The following PAPPA2 variants were observed in gnomAD, a reference collection of about 807,000 sequenced individuals.
PAPPA2 encodes the protein pappalysin-2.
In PAPPA2, 86 loss-of-function variants were observed where a neutral mutation model predicts 176.4. The observed-to-expected ratio is 0.49, with a 90% CI of 0.41 to 0.58. PAPPA2 has a LOEUF of 0.58. Among genes scored for constraint, PAPPA2 ranks in the 20% least tolerant of loss-of-function variants. PAPPA2 has a pLI of 0.00. For synonymous variants in PAPPA2, 809 were observed against 852.2 expected (o/e 0.95, Z 0.88); for missense variants, 2,073 against 2,256.9 (o/e 0.92, Z 1.65).
chr1:176,538,793 C>T (rs139396423), intron 1 of PAPPA2, among the ~76,000 whole-genome samples: 148 of 152,316 alleles, frequency 9.7e-4, no homozygotes, highest in African/African-American at 3.4e-3. Context: ...CTACTGCCAG[C>T]TCTTCATTCA....
In PAPPA2 at chr1:176,556,644, C is replaced by T. The variant is rs760674093; in HGVS notation, c.322C>T (p.Pro108Ser). The T allele has an allele frequency of 2.8e-5, 45 of 1,614,066 alleles. No homozygotes were observed. The East Asian group carries it at 7.8e-4, about 28-fold the overall frequency. Residue 108 changes from proline (P) to serine (S), a missense_variant, in exon 2 of 23, where the codon CCC becomes TCC. Physicochemically the swap from Pro to Ser is moderately conservative, Grantham distance 74. This residue lies in a region of PAPPA2 where 1,196 missense variants were observed against 1,330.4 expected (regional missense o/e 0.90). Coordinates refer to ENST00000367662, the MANE Select transcript of PAPPA2 (RefSeq NM_020318.3). ...TGAAGGAAATGCTGTGAGCCTTGTTCCCCCAGACCTGACTGAAAATCCAGC... is the reference window on the plus strand; with the variant it reads ...TGAAGGAAATGCTGTGAGCCTTGTTTCCCCAGACCTGACTGAAAATCCAGC... ...DTEGNAVSLV[P>S]PDLTENPAGL...
At chr1:176,694,650 C>G (rs1247892323) in intron 6 of PAPPA2, among the ~76,000 whole-genome samples, 1 of 152,180 alleles carries the variant, frequency 6.6e-6, no homozygotes, top group East Asian at 1.9e-4. Flanking sequence ...AGAGGCAAGC[C>G]CCTTGAAGTG....
intron 1 of PAPPA2, among the ~76,000 whole-genome samples, chr1:176,533,965 G>A (rs551365469): frequency 1.3e-5 from 2 of 152,274 alleles, no homozygotes; most frequent in South Asian, 4.1e-4. Context: ...TCATATAAAA[G>A]AATGTAAACT....
chr1:176,655,388 A>G (rs1328487905), intron 3 of PAPPA2, among the ~76,000 whole-genome samples: 1 of 151,858 alleles, frequency 6.6e-6, no homozygotes. Flanking sequence ...ACAGGGAACT[A>G]ACATCCAGAC....
chr1:176,478,003 T>G (rs1343622815), intron 1 of PAPPA2, among the ~76,000 whole-genome samples: 1 of 152,002 alleles, frequency 6.6e-6, no homozygotes, highest in Non-Finnish European at 1.5e-5. Context: ...ATTATGGAGG[T>G]TCAATAAGTA....
In PAPPA2 at chr1:176,464,991, G is replaced by A. The variant is rs183349400; in HGVS notation, c.-917+1573G>A. Among the ~76,000 whole-genome samples, 665 of 152,218 alleles carry A rather than the reference G, an allele frequency of 4.4e-3. 2 individuals are homozygous for A. The highest frequency in any genetic ancestry group is 0.01 in the Middle Eastern group (3 of 294). On this transcript the variant is annotated intron_variant, in intron 1 of 22. Transcript: ENST00000367662. ...TATTTATATTTTTAAATAAAAGTAG[G>A]ATTCTAATACACGTATAATTTTATA...
Position 176,557,358 on chromosome 1 carries a change from G to C in PAPPA2, c.919+117G>C, listed in dbSNP as rs1651381058. The C allele has an allele frequency of 4.2e-5, 51 of 1,210,918 alleles. No individual in the cohort carries two copies. In the South Asian group the frequency reaches 8.1e-4, roughly 19 times the overall value. 75.0% of individuals were successfully genotyped at this position (1,210,918 alleles called of 1,614,324 possible). On this transcript the variant is annotated intron_variant, in intron 2 of 22. Transcript: ENST00000367662. ...GGACCCAACAGGAAAGCCAGAAAGG[G>C]CTAGCCAGGGAGAGGGGGAAGGGCC...
At chr1:176,691,057 A>T in intron 5 of PAPPA2, 1 of 985,376 alleles carries the variant, frequency 1.0e-6, no homozygotes, top group Non-Finnish European at 1.2e-6. Flanking sequence ...AAAACTTGTC[A>T]TCTGGTCTTT....
chr1:176,791,555 A>G, intron 19 of PAPPA2, 73 bp downstream of exon 19: 2 of 1,512,148 alleles, frequency 1.3e-6, no homozygotes, highest in Non-Finnish European at 1.8e-6. Context: ...ATTTTTTTTA[A>G]TTTTATTTAT....
intron 18 of PAPPA2, among the ~76,000 whole-genome samples, chr1:176,790,598 C>T (rs1387215483): frequency 6.6e-6 from 1 of 152,096 alleles, no homozygotes; most frequent in African/African-American, 2.4e-5. Context: ...AGGTAAGCAC[C>T]ATGGAACAGA....
At chr1:176,697,697 A>C (rs1242119818) in intron 7 of PAPPA2, among the ~76,000 whole-genome samples, 2 of 152,200 alleles carry the variant, frequency 1.3e-5, no homozygotes, top group Non-Finnish European at 1.5e-5. Flanking sequence ...GCCTCACCTC[A>C]TAATCCTGTA....
chr1:176,602,746 A>G (rs1246519854), intron 3 of PAPPA2, among the ~76,000 whole-genome samples: 1 of 152,190 alleles, frequency 6.6e-6, no homozygotes, highest in Non-Finnish European at 1.5e-5. Context: ...TCACTTCAAA[A>G]TTCACAGGCA....
At chr1:176,611,128 A>G (rs1654900096) in intron 3 of PAPPA2, among the ~76,000 whole-genome samples, 1 of 152,168 alleles carries the variant, frequency 6.6e-6, no homozygotes, top group Non-Finnish European at 1.5e-5. Flanking sequence ...TCTAAGAATC[A>G]TTTATATGTT....
chr1:176,544,726 C>T lies in PAPPA2; in HGVS notation c.-916-10681C>T, dbSNP rs538872153. 2.5e-4 allele frequency among the ~76,000 whole-genome samples: 38 copies of T among 152,262 alleles called. 1 individual carries two copies. Among genetic ancestry groups the T allele is most frequent in the Admixed American group, 5.9e-4 (9 of 15,280 alleles). ...AGATTGCTCTCCCCCAACTTTCAGA[C>T]ACCAATTGCAAATGAGAGGTTACCC... is the stretch of plus-strand genomic sequence containing the variant. On this transcript the variant is annotated intron_variant, in intron 1 of 22. Coordinates refer to ENST00000367662, the MANE Select transcript of PAPPA2 (RefSeq NM_020318.3).
intron 4 of PAPPA2, 56 bp downstream of exon 4, chr1:176,671,171 G>C: frequency 1.9e-6 from 3 of 1,591,030 alleles, no homozygotes; most frequent in Non-Finnish European, 8.5e-7. Context: ...GCTGAAGGAA[G>C]CTTGCGAAAG....
rs182631996 is a variant in PAPPA2, at chr1:176,810,862, G to A, written c.5202+10730G>A. 1.3e-4 allele frequency among the ~76,000 whole-genome samples: 20 copies of A among 152,262 alleles called. No individual in the cohort carries two copies. In the East Asian group the frequency reaches 3.7e-3, roughly 28 times the overall value. ...CTAGAGTGTGGGGAAAATAGTAGCA[G>A]AAGAATGACAGTTTTGAGGGACTTG... is the stretch of plus-strand genomic sequence containing the variant. On this transcript the variant is annotated intron_variant, in intron 21 of 22. Transcript: ENST00000367662.
At chr1:176,752,578 C>G (rs1002948028) in intron 14 of PAPPA2, among the ~76,000 whole-genome samples, 1 of 152,174 alleles carries the variant, frequency 6.6e-6, no homozygotes, top group South Asian at 2.1e-4. Flanking sequence ...CCCAGACTCA[C>G]AGATAGAGAC....
chr1:176,742,425 T>C (rs1304181628), intron 14 of PAPPA2, among the ~76,000 whole-genome samples: 3 of 152,200 alleles, frequency 2.0e-5, no homozygotes, highest in Non-Finnish European at 2.9e-5. Flanking sequence ...CGCTAGTTCT[T>C]CACTTCTTCT....
At chr1:176,697,569 A>G (rs1660444295) in intron 7 of PAPPA2, among the ~76,000 whole-genome samples, 1 of 152,182 alleles carries the variant, frequency 6.6e-6, no homozygotes, top group South Asian at 2.1e-4. Context: ...ACACTGCTTA[A>G]CCACCAACTA....
Sources: gnomAD v4.1 joint callset for allele counts (sites outside exome capture counted in the v4.1 genomes callset) on GRCh38, gnomAD v4.1.1 for gene constraint, gnomAD v4.1.1 regional missense constraint, MANE v1.5 for transcripts, NCBI Gene and HGNC (gene_info 2026-07-23, HGNC 2026-07-21) for gene names.